ANK3: variants seen among roughly 807,000 people sequenced by gnomAD.
The protein encoded by ANK3 is ankyrin 3.
A neutral mutation model predicts 370.9 loss-of-function variants in ANK3; 57 were observed. The ratio of observed to expected loss-of-function variants is 0.15; its 90% CI spans 0.12 to 0.19. The LOEUF (loss-of-function observed/expected upper bound fraction) is 0.19. ANK3 is among the 10% of genes least tolerant of loss of function. ANK3 has a pLI of 1.00. For missense variants in ANK3, 4,439 were observed against 5,302.1 expected, an observed-to-expected ratio of 0.84 and a Z score of 5.06; for synonymous variants, 1,929 against 1,946.3, an observed-to-expected ratio of 0.99 and a Z score of 0.23.
intron 32 of ANK3, 91 bp downstream of exon 32, chr10:60,084,511 G>A (rs1319262586): frequency 1.1e-6 from 1 of 894,248 alleles, no homozygotes. Flanking sequence ...AATGCACTTG[G>A]TATTTTATAG....
intron 2 of ANK3, among the ~76,000 whole-genome samples, chr10:60,523,989 T>C (rs1389829052): frequency 6.6e-6 from 1 of 152,110 alleles, no homozygotes; most frequent in Non-Finnish European, 1.5e-5. Flanking sequence ...TACAAGCCTT[T>C]GGCCAGGTCT....
At chr10:60,595,229 A>C (rs1261123304) in intron 2 of ANK3, among the ~76,000 whole-genome samples, 1 of 152,136 alleles carries the variant, frequency 6.6e-6, no homozygotes, top group Non-Finnish European at 1.5e-5. Context: ...GGAGAATTGC[A>C]ATAGTGAAAG....
At chr10:60,688,438 C>T (rs1242129240) in intron 1 of ANK3, among the ~76,000 whole-genome samples, 1 of 152,186 alleles carries the variant, frequency 6.6e-6, no homozygotes, top group Non-Finnish European at 1.5e-5. Context: ...ATACATTGTA[C>T]TTATAATCAA....
intron 12 of ANK3, 139 bp from the exon 13 acceptor site, chr10:60,200,366 T>A: frequency 1.4e-6 from 1 of 719,714 alleles, no homozygotes; most frequent in South Asian, 1.5e-5. Context: ...AGATAGGAAA[T>A]CAAATGCATG....
chr10:60,585,584 C>T (rs2077819714), intron 2 of ANK3, among the ~76,000 whole-genome samples: 1 of 152,076 alleles, frequency 6.6e-6, no homozygotes, highest in African/African-American at 2.4e-5. Flanking sequence ...TAATAGCTAC[C>T]TCTAAATGAG....
chr10:60,540,107 C>T (rs2076813810), intron 2 of ANK3, among the ~76,000 whole-genome samples: 1 of 151,748 alleles, frequency 6.6e-6, no homozygotes, highest in African/African-American at 2.4e-5. Context: ...CTAACTATAC[C>T]AGGAGTGAAC....
chr10:60,307,351 G>C (rs75077883), intron 1 of ANK3, among the ~76,000 whole-genome samples: 1 of 151,942 alleles, frequency 6.6e-6, no homozygotes, highest in Non-Finnish European at 1.5e-5. Flanking sequence ...TTTTTTTATA[G>C]AGACAGAGTC....
chr10:60,073,087 T>C lies in ANK3; in HGVS notation c.7794A>G (p.Lys2598=). ...LTEVSQFFRD[K]TEKLNDELQS... ...GCAGTTCATCATTTAGCTTTTCAGT[T>C]TTGTCACGAAAAAACTGTGACACTT... The change falls in exon 37 of 44, where the codon AAA becomes AAG. Residue 2598 remains lysine (K), a synonymous_variant. Transcript: ENST00000280772. 1.2e-6 allele frequency: 2 copies of C among 1,614,126 alleles called. No homozygotes were observed. Among genetic ancestry groups the C allele is most frequent in the Non-Finnish European group, 1.7e-6 (2 of 1,180,004 alleles).
chr10:60,640,279 C>T (rs1409071802), intron 1 of ANK3, among the ~76,000 whole-genome samples: 1 of 150,088 alleles, frequency 6.7e-6, no homozygotes, highest in Non-Finnish European at 1.5e-5. Flanking sequence ...TCCTCCCTAA[C>T]TCATTTTATG....
intron 2 of ANK3, among the ~76,000 whole-genome samples, chr10:60,509,129 T>C (rs2076014902): frequency 6.6e-6 from 1 of 152,112 alleles, no homozygotes; most frequent in Admixed American, 6.6e-5. Context: ...ACCCTGCAGT[T>C]TTCTGCCCTT....
At chr10:60,708,292 A>G (rs778312186) in intron 1 of ANK3, among the ~76,000 whole-genome samples, 9 of 152,218 alleles carry the variant, frequency 5.9e-5, no homozygotes, top group Admixed American at 5.2e-4. Flanking sequence ...CCTCTCTTCA[A>G]GTCAAAACAC....
chr10:60,642,637 TG>T (rs200229050), intron 1 of ANK3, among the ~76,000 whole-genome samples: 1 of 144,726 alleles, frequency 6.9e-6, no homozygotes, highest in East Asian at 2.1e-4. Context: ...TGTTGTGGGG[TG>T]GGGGGGCGAG....
chr10:60,586,209 G>T (rs141951789), intron 2 of ANK3, among the ~76,000 whole-genome samples: 3 of 152,100 alleles, frequency 2.0e-5, no homozygotes, highest in Non-Finnish European at 4.4e-5. Flanking sequence ...AAATGTGAAC[G>T]TGGATGAAAA....
At chr10:60,132,125 C>A (rs1053349252) in intron 25 of ANK3, among the ~76,000 whole-genome samples, 6 of 152,076 alleles carry the variant, frequency 3.9e-5, no homozygotes, top group Non-Finnish European at 7.4e-5. Flanking sequence ...ATGACCACAG[C>A]CAACCAAGCA....
intron 41 of ANK3, among the ~76,000 whole-genome samples, chr10:60,057,263 C>G (rs2079386105): frequency 6.6e-6 from 1 of 152,272 alleles, no homozygotes; most frequent in Admixed American, 6.5e-5. Context: ...TCTTTCCTTT[C>G]CAATGCTTTC....
chr10:60,120,964 A>G lies in ANK3; in HGVS notation c.2842-6633T>C, dbSNP rs1405171259. On this transcript the variant is annotated intron_variant, in intron 25 of 43. Transcript: ENST00000280772. The stretch of plus-strand genomic sequence containing the variant: ...ATCCAGCAAGCCCACTGCTAGGTAT[A>G]TACCCAAAAGAAAAGAAGTATATCA... Among the ~76,000 whole-genome samples the G allele has an allele frequency of 2.6e-5, 4 of 152,318 alleles. No individual in the cohort carries two copies. In the East Asian group the frequency reaches 7.7e-4, roughly 29 times the overall value.
intron 25 of ANK3, among the ~76,000 whole-genome samples, chr10:60,114,627 T>C (rs1241083593): frequency 6.6e-6 from 1 of 152,234 alleles, no homozygotes; most frequent in Non-Finnish European, 1.5e-5. Context: ...ATGTCACATT[T>C]TCAACATGTC....
chr10:60,269,719 C>T (rs1001121954), intron 5 of ANK3, among the ~76,000 whole-genome samples: 1 of 129,598 alleles, frequency 7.7e-6, no homozygotes, highest in African/African-American at 3.0e-5. Context: ...TTAAAAAATA[C>T]AAATTCAATC....
intron 2 of ANK3, among the ~76,000 whole-genome samples, chr10:60,564,510 A>G (rs1001749191): frequency 6.6e-6 from 1 of 152,220 alleles, no homozygotes; most frequent in African/African-American, 2.4e-5. Flanking sequence ...CACACCACCA[A>G]CTTAGTAAGA....
Sources: gnomAD v4.1 joint callset for allele counts (sites outside exome capture counted in the v4.1 genomes callset) on GRCh38, gnomAD v4.1.1 for gene constraint, MANE v1.5 for transcripts, NCBI Gene and HGNC (gene_info 2026-07-23, HGNC 2026-07-21) for gene names.